The following TCAF1 variants were observed in gnomAD, a reference collection of about 807,000 sequenced individuals.
TCAF1 encodes the protein TRPM8 channel associated factor 1, also known as TRPM8 channel-associated factor 1.
Under a neutral mutation model 27.3 loss-of-function variants are expected in TCAF1, and 4 were observed. The ratio of observed to expected loss-of-function variants is 0.15; its 90% confidence interval spans 0.07 to 0.34. The LOEUF (loss-of-function observed/expected upper bound fraction) is 0.34, where lower values mean the gene tolerates loss of function less well. Among genes scored for constraint, TCAF1 ranks in the 10% least tolerant of loss-of-function variants. TCAF1 has a pLI of 1.00. For synonymous variants in TCAF1, 105 were observed against 167.1 expected (o/e 0.63, Z 2.87); for missense variants, 257 against 425.8 (o/e 0.60, Z 3.49).
intron 1 of TCAF1, among the ~76,000 whole-genome samples, chr7:143,900,466 G>A (rs991335599): frequency 2.0e-5 from 3 of 152,266 alleles, no homozygotes; most frequent in Admixed American, 6.5e-5. Flanking sequence ...GCCAGGGTCA[G>A]TGAGGCCAAT....
chr7:143,892,211 A>G (rs1813668210), intron 1 of TCAF1, among the ~76,000 whole-genome samples: 1 of 152,186 alleles, frequency 6.6e-6, no homozygotes, highest in South Asian at 2.1e-4. Flanking sequence ...GACTGTTTAA[A>G]TAAACAAAAT....
intron 1 of TCAF1, 24 bp downstream of exon 1, chr7:143,901,923 TCGCACCCCGCCCAC>T (rs1814132196): frequency 1.3e-5 from 2 of 151,910 alleles, no homozygotes; most frequent in African/African-American, 4.8e-5. Flanking sequence ...ACGCTAAACG[TCGCACCCCGCCCAC>T]CGCTCCCCGC....
At chr7:143,895,409 AC>A (rs1813827301) in intron 1 of TCAF1, among the ~76,000 whole-genome samples, 1 of 151,872 alleles carries the variant, frequency 6.6e-6, no homozygotes, top group African/African-American at 2.4e-5. Flanking sequence ...ACAAAAGGAT[AC>A]CTGTTTATGA....
chr7:143,886,865 T>C (rs1319534630), intron 1 of TCAF1, among the ~76,000 whole-genome samples: 1 of 120,520 alleles, frequency 8.3e-6, no homozygotes, highest in East Asian at 2.4e-4. Context: ...GGAGTTTTTG[T>C]ATTTTTTTTT....
intron 1 of TCAF1, among the ~76,000 whole-genome samples, chr7:143,887,387 G>A (rs189527626): frequency 2.6e-5 from 4 of 152,042 alleles, no homozygotes; most frequent in Non-Finnish European, 4.4e-5. Flanking sequence ...CTATAATTGC[G>A]TGTTTATGTT....
At chr7:143,883,507 T>TTC (rs1813209143) in intron 1 of TCAF1, among the ~76,000 whole-genome samples, 1 of 135,434 alleles carries the variant, frequency 7.4e-6, no homozygotes, top group Non-Finnish European at 1.6e-5. Context: ...TTTCTTTTTT[T>TTC]TTTTTTTTTT....
In TCAF1 at chr7:143,852,726, C is replaced by A. The variant is rs1444879594; in HGVS notation, c.*1407G>T. On this transcript the variant is annotated 3_prime_UTR_variant, in exon 9 of 9. Coordinates refer to ENST00000479870, the MANE Select transcript of TCAF1 (RefSeq NM_014719.3). The stretch of plus-strand genomic sequence containing the variant: ...TAATCGTGATGACCTCATTTGTTTT[C>A]TCCCTGGCCACTTTAATATCTTCCT... 1 of 151,472 alleles carries A rather than the reference C, an allele frequency of 6.6e-6. No homozygotes were observed. The highest frequency in any genetic ancestry group is 1.5e-5 in the Non-Finnish European group (1 of 67,940). The allele number at this position is 151,472 out of a possible 1,614,324, so 9.4% of individuals were successfully genotyped here.
chr7:143,892,840 T>G (rs1244178925), intron 1 of TCAF1, among the ~76,000 whole-genome samples: 1 of 152,048 alleles, frequency 6.6e-6, no homozygotes, highest in African/African-American at 2.4e-5. Context: ...CATGTGAAAA[T>G]ACAGTGAGAA....
chr7:143,898,159 A>G (rs1294758719), intron 1 of TCAF1, among the ~76,000 whole-genome samples: 1 of 152,150 alleles, frequency 6.6e-6, no homozygotes, highest in African/African-American at 2.4e-5. Flanking sequence ...ACATCCATTT[A>G]TAATAAAAGT....
chr7:143,885,516 C>T (rs1813359400), intron 1 of TCAF1: 2 of 985,386 alleles, frequency 2.0e-6, no homozygotes, highest in Non-Finnish European at 1.2e-6. Context: ...CCCAGACGCC[C>T]GCCCTCAGAG....
intron 1 of TCAF1, among the ~76,000 whole-genome samples, chr7:143,900,909 A>G (rs916027529): frequency 1.3e-5 from 2 of 152,232 alleles, no homozygotes; most frequent in African/African-American, 4.8e-5. Context: ...TAATGTCATT[A>G]TAATGAGAAA....
chr7:143,894,550 A>G (rs541983137), intron 1 of TCAF1, among the ~76,000 whole-genome samples: 5 of 151,940 alleles, frequency 3.3e-5, no homozygotes, highest in African/African-American at 1.2e-4. Flanking sequence ...CCCATACCTC[A>G]TATCATATAC....
intron 1 of TCAF1, among the ~76,000 whole-genome samples, chr7:143,880,728 T>C (rs1473282503): frequency 6.6e-6 from 1 of 152,180 alleles, no homozygotes; most frequent in Admixed American, 6.5e-5. Context: ...TGCCCATCTA[T>C]AAATTTGATT....
intron 1 of TCAF1, among the ~76,000 whole-genome samples, chr7:143,880,090 A>G (rs1301991031): frequency 1.3e-5 from 2 of 152,222 alleles, no homozygotes; most frequent in South Asian, 4.1e-4. Flanking sequence ...GGCAAAGATA[A>G]TAGTAATAGT....
At chr7:143,897,223 G>T (rs925628225) in intron 1 of TCAF1, among the ~76,000 whole-genome samples, 2 of 142,082 alleles carry the variant, frequency 1.4e-5, no homozygotes, top group Admixed American at 1.5e-4. Flanking sequence ...TTTGAACCGC[G>T]TTGGTCTGGA....
At chr7:143,886,335 C>T (rs1005128000) in intron 1 of TCAF1, among the ~76,000 whole-genome samples, 6 of 152,212 alleles carry the variant, frequency 3.9e-5, no homozygotes, top group African/African-American at 1.4e-4. Flanking sequence ...TTCTCCCTTA[C>T]TACAAAAGTG....
rs1563211513 is a variant in TCAF1, at chr7:143,859,942, T to TGGA, written c.2167+265_2167+266insTCC. 4.2e-4 allele frequency among the ~76,000 whole-genome samples: 32 copies of TGGA among 75,934 alleles called. 2 individuals carry two copies. Among genetic ancestry groups the TGGA allele is most frequent in the African/African-American group, 1.6e-3 (32 of 20,588 alleles). The allele number at this position is 75,934 out of a possible 152,430, so 49.8% of individuals were successfully genotyped here. A position where few individuals can be genotyped will look rare whatever the true frequency, so the allele number is the denominator to read the frequency against. The stretch of plus-strand genomic sequence containing the variant: ...AATATATATTATATAATATATATTA[T>TGGA]ATAATATATATTACGGAATATATAT... On this transcript the variant is annotated intron_variant, in intron 6 of 8. Coordinates refer to ENST00000479870, the MANE Select transcript of TCAF1 (RefSeq NM_014719.3).
At position 143,875,872 on chromosome 7, in the gene TCAF1, A is replaced by G. The variant is rs1586766416; in HGVS notation, c.620+117T>C. The G allele has an allele frequency of 1.1e-5, 10 of 876,982 alleles. No individual in the cohort carries two copies. The East Asian group carries it at 2.5e-4, about 22-fold the overall frequency. The allele number at this position is 876,982 out of a possible 1,614,324, so 54.3% of individuals were successfully genotyped here. On this transcript the variant is annotated intron_variant, in intron 2 of 8. Transcript: ENST00000479870. ...TAAAAAATCTAGTTGATATGTAGTG[A>G]TTCCATATCTGAGTGCCTGGGAGCA...
At chr7:143,888,581 C>T (rs1813518684) in intron 1 of TCAF1, among the ~76,000 whole-genome samples, 1 of 152,184 alleles carries the variant, frequency 6.6e-6, no homozygotes, top group Non-Finnish European at 1.5e-5. Context: ...ACCAGTTTTC[C>T]ATATAGGTTT....
Sources: allele counts gnomAD v4.1 joint callset (sites outside exome capture counted in the v4.1 genomes callset), GRCh38; gene constraint gnomAD v4.1.1; transcripts MANE v1.5; gene names NCBI Gene and HGNC (gene_info 2026-07-23, HGNC 2026-07-21).